FZD6: variants seen among roughly 807,000 people sequenced by gnomAD.
FZD6 encodes the protein frizzled-6.
Under a neutral mutation model 61.4 loss-of-function variants are expected in FZD6, and 49 were observed. That is an observed-to-expected ratio of 0.80 (90% CI 0.63 to 1.01). The LOEUF (loss-of-function observed/expected upper bound fraction) is 1.01. Ranked by LOEUF, FZD6 falls within the 50% of genes least tolerant of loss-of-function variation. The pLI is 0.00. For synonymous variants in FZD6, 265 were observed against 292.2 expected (o/e 0.91, Z 0.95); for missense variants, 724 against 848.2 (o/e 0.85, Z 1.82).
rs1814058551 is a variant in FZD6, at chr8:103,298,934, TG to T, written c.-208del. 6.5e-6 allele frequency: 1 copy of T among 153,172 alleles called. No homozygotes were observed. The highest frequency in any genetic ancestry group is 1.5e-5 in the Non-Finnish European group (1 of 68,460). 9.5% of individuals were successfully genotyped at this position (153,172 alleles called of 1,614,324 possible). ...CAACCCCGGAGCCGTCTCAGGTCCCTGGGGGGAACGGTGGGTTAGACGGGGA... is the reference window on the plus strand; with the variant it reads ...CAACCCCGGAGCCGTCTCAGGTCCCTGGGGGAACGGTGGGTTAGACGGGGA... On this transcript the variant is annotated 5_prime_UTR_variant, in exon 1 of 7. Coordinates refer to ENST00000358755, the MANE Select transcript of FZD6 (RefSeq NM_003506.4).
At chr8:103,322,972 A>G (rs995424396) in intron 3 of FZD6, among the ~76,000 whole-genome samples, 1 of 152,228 alleles carries the variant, frequency 6.6e-6, no homozygotes, top group Non-Finnish European at 1.5e-5. Flanking sequence ...ACACACTGGA[A>G]TACTACCATA....
chr8:103,306,528 G>T (rs1400693626), intron 2 of FZD6, among the ~76,000 whole-genome samples: 2 of 105,102 alleles, frequency 1.9e-5, no homozygotes, highest in Admixed American at 2.9e-4. Flanking sequence ...TTTTGAGACA[G>T]AGTCTCGTTC....
rs2130254553 is a variant in FZD6, at chr8:103,300,128, G to C, written c.21G>C (p.Leu7Phe). 1.2e-6 allele frequency: 2 copies of C among 1,600,266 alleles called. No homozygotes were observed. ...AGAAAATGGAAATGTTTACATTTTTGTTGACGTGTATTTTTCTACCCCTCC... is the reference window on the plus strand; with the variant it reads ...AGAAAATGGAAATGTTTACATTTTTCTTGACGTGTATTTTTCTACCCCTCC... MEMFTF[L>F]LTCIFLPLLR... is the part of the protein sequence containing the mutation. The change falls in exon 2 of 7, where the codon TTG becomes TTC. Residue 7 changes from leucine to phenylalanine, a missense_variant. Physicochemically the swap from Leu to Phe is conservative, Grantham distance 22. Transcript: ENST00000358755.
At chr8:103,309,114 T>C (rs1471316534) in intron 2 of FZD6, among the ~76,000 whole-genome samples, 1 of 152,204 alleles carries the variant, frequency 6.6e-6, no homozygotes, top group Non-Finnish European at 1.5e-5. Context: ...GAAGGACTTG[T>C]TAAAACACAG....
In FZD6 at chr8:103,332,442, A is replaced by G. The variant is rs1005847263; in HGVS notation, c.*933A>G. The stretch of plus-strand genomic sequence containing the variant: ...TAACATTTAGAATATTACATTTTGT[A>G]TTATACAGTACCTTTCTCAGACATT... On this transcript the variant is annotated 3_prime_UTR_variant, in exon 7 of 7. Coordinates refer to ENST00000358755, the MANE Select transcript of FZD6 (RefSeq NM_003506.4). 6.6e-6 allele frequency: 1 copy of G among 152,114 alleles called. No homozygotes were observed. Among genetic ancestry groups the G allele is most frequent in the African/African-American group, 2.4e-5 (1 of 41,428 alleles). The allele number at this position is 152,114 out of a possible 1,614,324, so 9.4% of individuals were successfully genotyped here.
chr8:103,329,013 T>TTTTATA (rs143400765), intron 5 of FZD6, among the ~76,000 whole-genome samples: 4 of 115,178 alleles, frequency 3.5e-5, no homozygotes, highest in Admixed American at 1.0e-4. Flanking sequence ...CATTTTAGTT[T>TTTTATA]TATATATATA....
chr8:103,318,795 T>A lies in FZD6; in HGVS notation c.374+9T>A. On this transcript the variant is annotated intron_variant, in intron 3 of 6. Transcript: ENST00000358755. Reference sequence around the variant, plus strand: ...GAGCTTGAATGTGACAGGTAAACAATGTTTTTCATGGAAAGCTACTAATGG... The same window carrying A: ...GAGCTTGAATGTGACAGGTAAACAAAGTTTTTCATGGAAAGCTACTAATGG... 2 of 1,514,808 alleles carry A rather than the reference T, an allele frequency of 1.3e-6. No individual in the cohort carries two copies. The highest frequency in any genetic ancestry group is 1.8e-6 in the Non-Finnish European group (2 of 1,089,514). 93.8% of individuals were successfully genotyped at this position (1,514,808 alleles called of 1,614,324 possible). A position where few individuals can be genotyped will look rare whatever the true frequency, so the allele number is the denominator to read the frequency against.
rs139620137 is a variant in FZD6 at position 103,331,389 on chromosome 8, C to T, written c.2001C>T (p.Asn667=). Residue 667 remains asparagine, a synonymous_variant, in exon 7 of 7, where the codon AAC becomes AAT. Transcript: ENST00000358755. ...DITDTGLAQS[N]NLQVPSSSEP... ...CTGACACTGGCCTGGCACAGAGCAA[C>T]AATTTGCAGGTCCCCAGTTCTTCAG... 1.2e-6 allele frequency: 2 copies of T among 1,612,072 alleles called. No homozygotes were observed. The highest frequency in any genetic ancestry group is 8.5e-7 in the Non-Finnish European group (1 of 1,178,182).
chr8:103,305,655 GAAAT>G (rs2130272813), intron 2 of FZD6, among the ~76,000 whole-genome samples: 1 of 152,328 alleles, frequency 6.6e-6, no homozygotes, highest in East Asian at 1.9e-4. Context: ...CATATAAAAT[GAAAT>G]AAATAGTGAG....
rs767365157 is a variant in FZD6 at position 103,324,491 on chromosome 8, T to G, written c.385T>G (p.Cys129Gly). 1.0e-5 allele frequency: 16 copies of G among 1,574,514 alleles called. No homozygotes were observed. The highest frequency in any genetic ancestry group is 9.6e-6 in the Non-Finnish European group (11 of 1,144,506). ...TTATAATCTTTACAGATTACAATAC[T>G]GTGATGAGACTGTTCCTGTAACTTT... The part of the protein sequence containing the change: ...EELECDRLQY[C>G]DETVPVTFDP... Residue 129 changes from cysteine (C) to glycine (G), a missense_variant, in exon 4 of 7, where the codon TGT becomes GGT. Physicochemically the swap from Cys to Gly is radical, Grantham distance 159. Transcript: ENST00000358755.
Position 103,324,530 on chromosome 8 carries a change from G to C in FZD6, c.424G>C (p.Glu142Gln). Residue 142 changes from glutamate (E) to glutamine (Q), a missense_variant, in exon 4 of 7, where the codon GAA becomes CAA. By Grantham distance (29) the Glu-to-Gln change is conservative (BLOSUM62 2). Transcript: ENST00000358755. ...TVPVTFDPHTEFLGPQKKTEQ... is the reference protein window; with the variant it reads ...TVPVTFDPHTQFLGPQKKTEQ... ...TCCTGTAACTTTTGATCCACACACAGAATTTCTTGGTCCTCAGAAGAAAAC... is the reference window on the plus strand; with the variant it reads ...TCCTGTAACTTTTGATCCACACACACAATTTCTTGGTCCTCAGAAGAAAAC... 1.9e-6 allele frequency: 3 copies of C among 1,611,180 alleles called. No individual in the cohort carries two copies. The highest frequency in any genetic ancestry group is 1.7e-6 in the Non-Finnish European group (2 of 1,177,406).
intron 2 of FZD6, among the ~76,000 whole-genome samples, chr8:103,306,267 CT>C (rs1814326922): frequency 6.6e-6 from 1 of 152,124 alleles, no homozygotes; most frequent in Admixed American, 6.5e-5. Context: ...CCAGGCTCCA[CT>C]TTACATTTTT....
Position 103,325,127 on chromosome 8 carries a change from A to C in FZD6, c.1021A>C (p.Met341Leu). Residue 341 changes from methionine (M) to leucine (L), a missense_variant, in exon 4 of 7, where the codon ATG becomes CTG. By Grantham distance (15) the Met-to-Leu change is conservative (BLOSUM62 2). Coordinates refer to ENST00000358755, the MANE Select transcript of FZD6 (RefSeq NM_003506.4). Reference sequence around the variant, plus strand: ...GGGAACACCAGGTTTCCTGACTGTTATGCTTCTTGCTATGAACAAAGTTGA... The same window carrying C: ...GGGAACACCAGGTTTCCTGACTGTTCTGCTTCTTGCTATGAACAAAGTTGA... The part of the protein sequence containing the change: ...AWGTPGFLTV[M>L]LLAMNKVEGD... The C allele has an allele frequency of 6.2e-7, 1 of 1,614,154 alleles. No homozygotes were observed. Among genetic ancestry groups the C allele is most frequent in the Non-Finnish European group, 8.5e-7 (1 of 1,179,994 alleles).
chr8:103,313,239 A>G (rs1467491165), intron 2 of FZD6, among the ~76,000 whole-genome samples: 1 of 152,258 alleles, frequency 6.6e-6, no homozygotes, highest in Non-Finnish European at 1.5e-5. Flanking sequence ...TATGGTAAGT[A>G]CCAAATAAGC....
In FZD6 at chr8:103,331,353, G is replaced by A. The variant is rs755001592; in HGVS notation, c.1965G>A (p.Lys655=). Residue 655 remains lysine (K), a synonymous_variant, in exon 7 of 7, where the codon AAG becomes AAA. Coordinates refer to ENST00000358755, the MANE Select transcript of FZD6 (RefSeq NM_003506.4). ...SARSEGRISP[K]SDITDTGLAQ... ...TTCTTTTATCTAGGATTAGTCCAAA[G>A]AGTGATATTACTGACACTGGCCTGG... 6 of 1,611,590 alleles carry A rather than the reference G, an allele frequency of 3.7e-6. No individual in the cohort carries two copies. In the Admixed American group the frequency reaches 8.3e-5, roughly 22 times the overall value.
intron 5 of FZD6, 75 bp downstream of exon 5, chr8:103,328,491 T>G: frequency 8.9e-7 from 1 of 1,129,096 alleles, no homozygotes; most frequent in Non-Finnish European, 1.3e-6. Context: ...TTCAAATCAA[T>G]GTACTAGAGT....
chr8:103,322,728 A>G (rs915055581), intron 3 of FZD6, among the ~76,000 whole-genome samples: 7 of 152,218 alleles, frequency 4.6e-5, no homozygotes, highest in Non-Finnish European at 5.9e-5. Context: ...TATAGAACCT[A>G]TGTGGAACTT....
chr8:103,330,983 C>CCA (rs1815105414), intron 6 of FZD6, among the ~76,000 whole-genome samples: 2 of 152,170 alleles, frequency 1.3e-5, no homozygotes. Context: ...CGAGACCATT[C>CCA]TGGCTAACAT....
In FZD6 at chr8:103,328,285, A is replaced by G; in HGVS notation, c.1410A>G (p.Arg470=). The G allele has an allele frequency of 6.2e-7, 1 of 1,611,802 alleles. No homozygotes were observed. Among genetic ancestry groups the G allele is most frequent in the Non-Finnish European group, 8.5e-7 (1 of 1,177,946 alleles). The change falls in exon 5 of 7, where the codon CGA becomes CGG. Residue 470 remains arginine (R), a synonymous_variant. Transcript: ENST00000358755. ...TTTTGTAGGCAAAAGCAAAAGCTCGACCAGAATTGGCTTTATTTATGATAA... is the reference window on the plus strand; with the variant it reads ...TTTTGTAGGCAAAAGCAAAAGCTCGGCCAGAATTGGCTTTATTTATGATAA... ...PCPYQAKAKA[R]PELALFMIKY... is the part of the protein sequence containing the mutation.
Sources: allele counts gnomAD v4.1 joint callset (sites outside exome capture counted in the v4.1 genomes callset), GRCh38; gene constraint gnomAD v4.1.1; transcripts MANE v1.5; gene names NCBI Gene and HGNC (gene_info 2026-07-23, HGNC 2026-07-21).